NPAS3: variants seen among roughly 807,000 people sequenced by gnomAD.
NPAS3 encodes neuronal PAS domain-containing protein 3.
Under a neutral mutation model 73.1 loss-of-function variants are expected in NPAS3, and 14 were observed. The ratio of observed to expected loss-of-function variants is 0.19; its 90% CI spans 0.13 to 0.30. The LOEUF (loss-of-function observed/expected upper bound fraction) is 0.30, where lower values mean the gene tolerates loss of function less well. Ranked by LOEUF, NPAS3 falls within the 10% of genes least tolerant of loss-of-function variation. NPAS3 has a pLI of 1.00. For missense variants in NPAS3, 1,096 were observed against 1,250.0 expected, an observed-to-expected ratio of 0.88 and a Z score of 1.86; for synonymous variants, 620 against 541.5, an observed-to-expected ratio of 1.14 and a Z score of -2.01.
intron 5 of NPAS3, among the ~76,000 whole-genome samples, chr14:33,560,847 C>G (rs980665421): frequency 6.6e-6 from 1 of 152,148 alleles, no homozygotes; most frequent in Admixed American, 6.5e-5. Flanking sequence ...TGTTACTTCT[C>G]GATATTCCCC....
chr14:33,650,193 T>G (rs1327490480), intron 5 of NPAS3, among the ~76,000 whole-genome samples: 1 of 152,182 alleles, frequency 6.6e-6, no homozygotes, highest in African/African-American at 2.4e-5. Flanking sequence ...TTGCGCATTG[T>G]AACAGCAGCA....
chr14:33,789,417 C>T (rs1344901951), intron 9 of NPAS3, among the ~76,000 whole-genome samples: 1 of 152,144 alleles, frequency 6.6e-6, no homozygotes, highest in East Asian at 1.9e-4. Flanking sequence ...TTCTTGTGTG[C>T]TAGCAGAGAT....
At chr14:33,022,389 G>A (rs1305536483) in intron 1 of NPAS3, among the ~76,000 whole-genome samples, 1 of 152,154 alleles carries the variant, frequency 6.6e-6, no homozygotes, top group East Asian at 1.9e-4. Context: ...TTTTGGCTGG[G>A]CGCGGTGGCT....
At chr14:33,259,751 T>C (rs2048902925) in intron 3 of NPAS3, among the ~76,000 whole-genome samples, 1 of 152,186 alleles carries the variant, frequency 6.6e-6, no homozygotes, top group Non-Finnish European at 1.5e-5. Flanking sequence ...ATGGTGCTTG[T>C]GACAGATGCT....
chr14:33,654,334 G>A (rs1595369516), intron 5 of NPAS3, among the ~76,000 whole-genome samples: 1 of 152,256 alleles, frequency 6.6e-6, no homozygotes, highest in Non-Finnish European at 1.5e-5. Context: ...ATAATAGGAA[G>A]CCATTGCAGA....
chr14:33,328,459 T>C (rs76212846), intron 3 of NPAS3, among the ~76,000 whole-genome samples: 1 of 34,126 alleles, frequency 2.9e-5, no homozygotes, highest in Non-Finnish European at 5.4e-5. Context: ...TTTTTTTTTT[T>C]TTTTTTTTTT....
At chr14:33,204,754 G>T (rs1018990667) in intron 2 of NPAS3, among the ~76,000 whole-genome samples, 1 of 152,176 alleles carries the variant, frequency 6.6e-6, no homozygotes, top group Non-Finnish European at 1.5e-5. Context: ...GTCTGGTTAA[G>T]ACCCTTGTGG....
chr14:33,568,280 G>A (rs890893317), intron 5 of NPAS3, among the ~76,000 whole-genome samples: 7 of 152,148 alleles, frequency 4.6e-5, no homozygotes, highest in African/African-American at 1.7e-4. Context: ...ATAATGAAAC[G>A]GTGTTTTTCT....
At chr14:33,532,258 A>C (rs1043302050) in intron 4 of NPAS3, among the ~76,000 whole-genome samples, 3 of 152,132 alleles carry the variant, frequency 2.0e-5, no homozygotes, top group Non-Finnish European at 2.9e-5. Flanking sequence ...TTTAAAGTTC[A>C]ATTCTTTTTT....
intron 3 of NPAS3, among the ~76,000 whole-genome samples, chr14:33,250,542 A>G (rs1454253078): frequency 2.0e-5 from 3 of 152,178 alleles, no homozygotes; most frequent in Admixed American, 6.6e-5. Flanking sequence ...TGATGCTCGC[A>G]TTAAACTTGT....
intron 3 of NPAS3, among the ~76,000 whole-genome samples, chr14:33,265,716 A>G (rs1026291095): frequency 1.3e-5 from 2 of 152,098 alleles, no homozygotes; most frequent in Non-Finnish European, 2.9e-5. Context: ...TCAGCAATGT[A>G]GATCTGGGGC....
At chr14:33,787,249 C>T (rs2063204793) in intron 9 of NPAS3, among the ~76,000 whole-genome samples, 1 of 152,102 alleles carries the variant, frequency 6.6e-6, no homozygotes. Flanking sequence ...GTTTAAAAGC[C>T]TTGTTCTCCA....
intron 1 of NPAS3, among the ~76,000 whole-genome samples, chr14:32,979,462 A>G (rs948842587): frequency 1.3e-5 from 2 of 152,166 alleles, no homozygotes; most frequent in African/African-American, 4.8e-5. Context: ...TCATTTTACA[A>G]TTTCAAACAC....
chr14:33,563,301 C>T (rs1024673819), intron 5 of NPAS3, among the ~76,000 whole-genome samples: 1 of 152,062 alleles, frequency 6.6e-6, no homozygotes, highest in African/African-American at 2.4e-5. Flanking sequence ...GAAACTTCTA[C>T]TGAGCTCTGT....
intron 6 of NPAS3, among the ~76,000 whole-genome samples, chr14:33,707,391 A>G (rs560412844): frequency 6.6e-6 from 1 of 152,054 alleles, no homozygotes; most frequent in South Asian, 2.1e-4. Context: ...GTTGAGTGCC[A>G]ACAGTGTACT....
chr14:33,607,147 A>G (rs2057595381), intron 5 of NPAS3, among the ~76,000 whole-genome samples: 1 of 152,246 alleles, frequency 6.6e-6, no homozygotes, highest in African/African-American at 2.4e-5. Context: ...TGCATACTAT[A>G]TGACCTAGCT....
intron 2 of NPAS3, among the ~76,000 whole-genome samples, chr14:33,063,350 C>T (rs1160089141): frequency 6.6e-6 from 1 of 152,168 alleles, no homozygotes; most frequent in Admixed American, 6.6e-5. Context: ...CAGAAGCTTA[C>T]AGAGCTGACA....
intron 4 of NPAS3, among the ~76,000 whole-genome samples, chr14:33,369,016 G>C (rs1240156663): frequency 6.6e-6 from 1 of 152,126 alleles, no homozygotes; most frequent in South Asian, 2.1e-4. Flanking sequence ...TATGAGTAAG[G>C]TGTCTCAGTA....
At chr14:33,445,414 C>T (rs1334388336) in intron 4 of NPAS3, among the ~76,000 whole-genome samples, 1 of 152,132 alleles carries the variant, frequency 6.6e-6, no homozygotes, top group Non-Finnish European at 1.5e-5. Context: ...CCTGTTTCAC[C>T]CCAACTCTGA....
Sources: allele counts gnomAD v4.1 joint callset (sites outside exome capture counted in the v4.1 genomes callset), GRCh38; gene constraint gnomAD v4.1.1; transcripts MANE v1.5; gene names NCBI Gene and HGNC (gene_info 2026-07-23, HGNC 2026-07-21).